Variants in RUNX1 observed in about 807,000 individuals in gnomAD.
The protein encoded by RUNX1 is runt-related transcription factor 1.
A neutral mutation model predicts 42.8 loss-of-function variants in RUNX1; 19 were observed. The observed-to-expected ratio is 0.44, with a 90% CI of 0.31 to 0.65. RUNX1 has a LOEUF of 0.65. Among genes scored for constraint, RUNX1 ranks in the 30% least tolerant of loss-of-function variants. The pLI is 0.07. For missense variants in RUNX1, 528 were observed against 672.0 expected, an observed-to-expected ratio of 0.79 and a Z score of 2.37; for synonymous variants, 271 against 289.4, an observed-to-expected ratio of 0.94 and a Z score of 0.64.
chr21:34,927,607 G>C (rs1020225271), intron 2 of RUNX1, among the ~76,000 whole-genome samples: 2 of 152,118 alleles, frequency 1.3e-5, no homozygotes, highest in African/African-American at 2.4e-5. Flanking sequence ...AATTCAATAA[G>C]GTTCCCTTGC....
At chr21:34,973,773 A>C (rs2058779473) in intron 2 of RUNX1, among the ~76,000 whole-genome samples, 1 of 152,208 alleles carries the variant, frequency 6.6e-6, no homozygotes, top group Non-Finnish European at 1.5e-5. Context: ...GTTAGCTTCT[A>C]AGGAACATTT....
Position 34,847,791 on chromosome 21 carries a change from T to C in RUNX1, c.613+11683A>G, listed in dbSNP as rs115940879. Reference sequence around the variant, plus strand: ...GCAACATGGTTGACAGGGTTATGTTTCAATGAGGAATACATTTGTTGAAGC... The same window carrying C: ...GCAACATGGTTGACAGGGTTATGTTCCAATGAGGAATACATTTGTTGAAGC... On this transcript the variant is annotated intron_variant, in intron 6 of 8. Transcript: ENST00000675419. Among the ~76,000 whole-genome samples the C allele has an allele frequency of 4.5e-3, 691 of 152,342 alleles. 4 individuals carry two copies. Among genetic ancestry groups the C allele is most frequent in the African/African-American group, 0.016 (658 of 41,570 alleles).
intron 7 of RUNX1, among the ~76,000 whole-genome samples, chr21:34,823,825 C>G (rs547251221): frequency 6.6e-6 from 1 of 152,130 alleles, no homozygotes; most frequent in African/African-American, 2.4e-5. Context: ...ATCGCCATCT[C>G]CTCTTCCCTC....
chr21:34,888,610 C>A (rs1485071317), intron 3 of RUNX1: 1 of 1,057,626 alleles, frequency 9.5e-7, no homozygotes. Context: ...AAGTGCCTGG[C>A]GGCGCAGGGC....
Position 34,976,187 on chromosome 21 carries a change from T to A in RUNX1, c.58+72655A>T, listed in dbSNP as rs1367868472. ...TCATTTTCACACTGTTCAAGCTCAA[T>A]GAGATCTAGTTGAGATTACAGATTA... is the stretch of plus-strand genomic sequence containing the variant. On this transcript the variant is annotated intron_variant, in intron 2 of 8. Coordinates refer to ENST00000675419, the MANE Select transcript of RUNX1 (RefSeq NM_001754.5). Among the ~76,000 whole-genome samples the A allele has an allele frequency of 1.3e-5, 2 of 151,966 alleles. 1 individual carries two copies.
intron 2 of RUNX1, among the ~76,000 whole-genome samples, chr21:34,940,334 C>G (rs1410582439): frequency 6.6e-6 from 1 of 152,146 alleles, no homozygotes; most frequent in Non-Finnish European, 1.5e-5. Context: ...TGGTACACAG[C>G]CATTCGTTCT....
At chr21:34,864,228 G>C (rs1429301608) in intron 5 of RUNX1, among the ~76,000 whole-genome samples, 1 of 152,210 alleles carries the variant, frequency 6.6e-6, no homozygotes, top group Non-Finnish European at 1.5e-5. Flanking sequence ...CGGGGCACAC[G>C]TGTTATGAGC....
At chr21:35,021,995 G>A (rs2146946315) in intron 2 of RUNX1, among the ~76,000 whole-genome samples, 1 of 152,312 alleles carries the variant, frequency 6.6e-6, no homozygotes. Context: ...CCAGGAGCAG[G>A]CGAGAATGAT....
At chr21:34,832,665 G>A (rs1030009043) in intron 7 of RUNX1, among the ~76,000 whole-genome samples, 1 of 152,086 alleles carries the variant, frequency 6.6e-6, no homozygotes, top group African/African-American at 2.4e-5. Context: ...TATCCTCTTT[G>A]GAAGCAAAGT....
At chr21:34,849,681 T>C (rs1348052150) in intron 6 of RUNX1, among the ~76,000 whole-genome samples, 1 of 149,486 alleles carries the variant, frequency 6.7e-6, no homozygotes, top group Non-Finnish European at 1.5e-5. Context: ...TGTCTGATAA[T>C]ATAGCCATAA....
At chr21:34,802,701 A>G (rs1227422234) in intron 7 of RUNX1, among the ~76,000 whole-genome samples, 1 of 152,186 alleles carries the variant, frequency 6.6e-6, no homozygotes, top group Non-Finnish European at 1.5e-5. Flanking sequence ...CAAGGTAGAA[A>G]CAAGAACCCT....
chr21:34,853,971 C>A (rs1373148916), intron 6 of RUNX1, among the ~76,000 whole-genome samples: 5 of 152,084 alleles, frequency 3.3e-5, no homozygotes, highest in Admixed American at 2.0e-4. Flanking sequence ...TACCACCACA[C>A]CAGGCCGATT....
intron 7 of RUNX1, among the ~76,000 whole-genome samples, chr21:34,800,792 TTG>T (rs1449052334): frequency 1.3e-5 from 2 of 152,176 alleles, no homozygotes; most frequent in Admixed American, 1.3e-4. Context: ...TCTTTCTTTT[TTG>T]TGTGTGAGTG....
rs2058173880 is a variant in RUNX1, at chr21:34,901,083, C to T, written c.59-8120G>A. The stretch of plus-strand genomic sequence containing the variant: ...TGGTCTAAGCTATGGAATCCATCCT[C>T]ATCAGAAGAAATAACCAAGGAGCGG... On this transcript the variant is annotated intron_variant, in intron 2 of 8. Transcript: ENST00000675419. This position sits in a 1 kb window ranked among gnomAD's most constrained non-coding sequence, Gnocchi z 4.3. 6.6e-6 allele frequency among the ~76,000 whole-genome samples: 1 copy of T among 152,180 alleles called. No individual in the cohort carries two copies. Among genetic ancestry groups the T allele is most frequent in the Admixed American group, 6.5e-5 (1 of 15,276 alleles).
At chr21:34,899,308 A>G (rs1200091901) in intron 2 of RUNX1, among the ~76,000 whole-genome samples, 3 of 152,144 alleles carry the variant, frequency 2.0e-5, no homozygotes, top group Admixed American at 6.5e-5. Flanking sequence ...TGCTATGAGT[A>G]GGATATGTGG....
intron 5 of RUNX1, among the ~76,000 whole-genome samples, chr21:34,867,518 T>G (rs1176655259): frequency 2.0e-5 from 3 of 152,140 alleles, no homozygotes; most frequent in Admixed American, 2.0e-4. Flanking sequence ...TTGGAAGGCA[T>G]AGCTTGCTTT....
chr21:34,951,400 C>A (rs1280813593), intron 2 of RUNX1, among the ~76,000 whole-genome samples: 1 of 152,158 alleles, frequency 6.6e-6, no homozygotes, highest in Non-Finnish European at 1.5e-5. Context: ...GCTTTTGTTG[C>A]CATTGCTTTT....
chr21:34,967,473 C>T (rs1473873773), intron 2 of RUNX1, among the ~76,000 whole-genome samples: 3 of 151,038 alleles, frequency 2.0e-5, no homozygotes, highest in African/African-American at 7.3e-5. Flanking sequence ...CTGAACTTCG[C>T]CATCCAGCCC....
chr21:35,000,938 C>T (rs1280889383), intron 2 of RUNX1, among the ~76,000 whole-genome samples: 2 of 152,196 alleles, frequency 1.3e-5, no homozygotes, highest in Non-Finnish European at 2.9e-5. Flanking sequence ...AAAAGGCAAC[C>T]TCGAATGTCT....
Sources: allele counts gnomAD v4.1 joint callset (sites outside exome capture counted in the v4.1 genomes callset), GRCh38; gene constraint gnomAD v4.1.1; non-coding constraint Gnocchi (gnomAD v3.1); transcripts MANE v1.5; gene names NCBI Gene and HGNC (gene_info 2026-07-23, HGNC 2026-07-21).